Variants in TNFAIP8 observed in about 807,000 individuals in gnomAD.
TNFAIP8 encodes the protein TNF alpha induced protein 8, also known as tumor necrosis factor alpha-induced protein 8.
TNFAIP8 carries 7 observed loss-of-function variants against 13.3 expected under a neutral mutation model. The ratio of observed to expected loss-of-function variants is 0.52; its 90% CI spans 0.30 to 0.99. The LOEUF is 0.99. TNFAIP8 is among the 50% of genes least tolerant of loss of function. The probability of loss-of-function intolerance (pLI) is 0.07; values close to 1 mark genes in which losing one functional copy is unlikely to be tolerated. For missense variants in TNFAIP8, 258 were observed against 236.9 expected (o/e 1.09, Z -0.58); for synonymous variants, 94 against 87.6 (o/e 1.07, Z -0.41).
intron 1 of TNFAIP8, among the ~76,000 whole-genome samples, chr5:119,292,754 G>A (rs544527286): frequency 1.4e-5 from 2 of 138,620 alleles, no homozygotes; most frequent in Non-Finnish European, 3.1e-5. Context: ...CTACAGCATG[G>A]GTGAATCTCA....
intron 1 of TNFAIP8, among the ~76,000 whole-genome samples, chr5:119,280,585 T>C (rs1748598204): frequency 6.6e-6 from 1 of 152,182 alleles, no homozygotes; most frequent in Non-Finnish European, 1.5e-5. Flanking sequence ...AGATTACAGA[T>C]GGTGGTGTAT....
At chr5:119,325,990 G>A (rs779599252) in intron 1 of TNFAIP8, among the ~76,000 whole-genome samples, 11 of 152,246 alleles carry the variant, frequency 7.2e-5, no homozygotes, top group Non-Finnish European at 1.3e-4. Context: ...TTCACAATCC[G>A]TCCTTCATTT....
intron 1 of TNFAIP8, among the ~76,000 whole-genome samples, chr5:119,361,383 G>A (rs1200220765): frequency 6.6e-6 from 1 of 152,186 alleles, no homozygotes; most frequent in Non-Finnish European, 1.5e-5. Context: ...AGGGAGTGCT[G>A]CCCTGGGAAT....
intron 1 of TNFAIP8, among the ~76,000 whole-genome samples, chr5:119,269,786 A>G (rs1748217325): frequency 6.6e-6 from 1 of 152,184 alleles, no homozygotes; most frequent in African/African-American, 2.4e-5. Flanking sequence ...CCATCCCTAC[A>G]TAATTATTTT....
chr5:119,371,863 C>T (rs1440576340), intron 1 of TNFAIP8, among the ~76,000 whole-genome samples: 3 of 152,030 alleles, frequency 2.0e-5, no homozygotes, highest in Non-Finnish European at 4.4e-5. Context: ...CTCGGCCGGG[C>T]GTGGTGGCTC....
chr5:119,272,877 G>T (rs573641996), intron 1 of TNFAIP8, among the ~76,000 whole-genome samples: 1 of 152,166 alleles, frequency 6.6e-6, no homozygotes, highest in African/African-American at 2.4e-5. Context: ...TCAAGGTGAC[G>T]GGGGGCTAGG....
At chr5:119,302,817 C>G (rs1175311799) in intron 1 of TNFAIP8, among the ~76,000 whole-genome samples, 1 of 152,170 alleles carries the variant, frequency 6.6e-6, no homozygotes. Context: ...AAGGAGAATG[C>G]TTTTTATATA....
At chr5:119,391,611 T>G in intron 1 of TNFAIP8, 1 of 471,086 alleles carries the variant, frequency 2.1e-6, no homozygotes, top group Non-Finnish European at 3.9e-6. Context: ...AATACACAAT[T>G]AGCCGGGCAT....
intron 1 of TNFAIP8, among the ~76,000 whole-genome samples, chr5:119,328,947 A>T (rs188539172): frequency 6.6e-6 from 1 of 152,380 alleles, no homozygotes; most frequent in Admixed American, 6.5e-5. Flanking sequence ...TATTTATTGC[A>T]GCCAGCACTC....
intron 1 of TNFAIP8, among the ~76,000 whole-genome samples, chr5:119,290,316 G>A (rs994821115): frequency 2.0e-5 from 3 of 152,316 alleles, no homozygotes. Context: ...GATTGTAGTC[G>A]GTGAGCTGGC....
chr5:119,342,802 T>C (rs534015522), intron 1 of TNFAIP8, among the ~76,000 whole-genome samples: 94 of 152,342 alleles, frequency 6.2e-4, no homozygotes, highest in African/African-American at 2.2e-3. Flanking sequence ...TCTCTTCCTC[T>C]TCTTTGGCTG....
chr5:119,282,382 C>T (rs974732745), intron 1 of TNFAIP8, among the ~76,000 whole-genome samples: 1 of 152,176 alleles, frequency 6.6e-6, no homozygotes, highest in African/African-American at 2.4e-5. Flanking sequence ...CTGTCCCATC[C>T]CTTTGCCTCT....
intron 1 of TNFAIP8, among the ~76,000 whole-genome samples, chr5:119,316,633 A>G (rs749449384): frequency 6.6e-6 from 1 of 152,176 alleles, no homozygotes; most frequent in Admixed American, 6.5e-5. Flanking sequence ...TGCACATTAG[A>G]ATCTCTTTCA....
chr5:119,360,892 T>G (rs762284755), intron 1 of TNFAIP8, among the ~76,000 whole-genome samples: 1 of 152,218 alleles, frequency 6.6e-6, no homozygotes, highest in Non-Finnish European at 1.5e-5. Context: ...GAAATAAAAT[T>G]TAGCTCTGCA....
chr5:119,324,157 C>T (rs943228714), intron 1 of TNFAIP8, among the ~76,000 whole-genome samples: 4 of 151,488 alleles, frequency 2.6e-5, no homozygotes, highest in African/African-American at 9.7e-5. Flanking sequence ...TGTCTATAAT[C>T]CCAGCTACTC....
intron 1 of TNFAIP8, among the ~76,000 whole-genome samples, chr5:119,272,137 C>T (rs1748310550): frequency 6.6e-6 from 1 of 152,204 alleles, no homozygotes; most frequent in Non-Finnish European, 1.5e-5. Flanking sequence ...AAATGAGCTA[C>T]AAGTGGAGGG....
At chr5:119,270,686 A>G (rs980595074) in intron 1 of TNFAIP8, among the ~76,000 whole-genome samples, 9 of 152,244 alleles carry the variant, frequency 5.9e-5, no homozygotes, top group Non-Finnish European at 1.0e-4. Context: ...ATCTGAGTAA[A>G]TAAAGTTTAG....
rs1166536025 is a variant in TNFAIP8 at position 119,350,996 on chromosome 5, C to G, written c.2-41820C>G. 9.8e-5 allele frequency among the ~76,000 whole-genome samples: 10 copies of G among 101,670 alleles called. No homozygotes were observed. In the South Asian group the frequency reaches 1.0e-3, roughly 11 times the overall value. 66.7% of individuals were successfully genotyped at this position (101,670 alleles called of 152,430 possible). On this transcript the variant is annotated intron_variant, in intron 1 of 1. Transcript: ENST00000274456. The stretch of plus-strand genomic sequence containing the variant: ...TGTGTGTGTAGAGAGAGGGGTCTCA[C>G]TCTGTGTGTGTGTGTGTGTGTGTGT...
At chr5:119,391,759 CAAAAAA>C (rs1189646198) in intron 1 of TNFAIP8, among the ~76,000 whole-genome samples, 10 of 79,522 alleles carry the variant, frequency 1.3e-4, no homozygotes, top group Non-Finnish European at 2.1e-4. Context: ...AACTCCGTCT[CAAAAAA>C]AAAAAAAAAA....
Sources: gnomAD v4.1 joint callset for allele counts (sites outside exome capture counted in the v4.1 genomes callset) on GRCh38, gnomAD v4.1.1 for gene constraint, MANE v1.5 for transcripts, NCBI Gene and HGNC (gene_info 2026-07-23, HGNC 2026-07-21) for gene names.